The following HIVEP3 variants were observed in gnomAD, a reference collection of about 807,000 sequenced individuals.
The protein encoded by HIVEP3 is transcription factor HIVEP3.
A neutral mutation model predicts 152.8 loss-of-function variants in HIVEP3; 49 were observed. The ratio of observed to expected loss-of-function variants is 0.32; its 90% CI spans 0.26 to 0.41. The LOEUF (loss-of-function observed/expected upper bound fraction) is 0.41, where lower values mean the gene tolerates loss of function less well. HIVEP3 is among the 10% of genes least tolerant of loss of function. HIVEP3 has a pLI of 1.00. For missense variants in HIVEP3, 2,790 were observed against 3,103.3 expected (o/e 0.90, Z 2.40); for synonymous variants, 1,269 against 1,289.0 (o/e 0.98, Z 0.33).
intron 5 of HIVEP3, among the ~76,000 whole-genome samples, chr1:41,541,026 G>GCT (rs1643518455): frequency 6.6e-6 from 1 of 152,192 alleles, no homozygotes; most frequent in South Asian, 2.1e-4. Context: ...TGTGGTCACG[G>GCT]CTCAGAGGAC....
chr1:41,863,580 CTGTACTTT>C (rs1409355782), intron 1 of HIVEP3, among the ~76,000 whole-genome samples: 1 of 152,234 alleles, frequency 6.6e-6, no homozygotes, highest in African/African-American at 2.4e-5. Flanking sequence ...ATTATGCTTT[CTGTACTTT>C]TGCATTTGTA....
chr1:41,522,677 C>G (rs1044863462), intron 6 of HIVEP3, among the ~76,000 whole-genome samples: 2 of 152,252 alleles, frequency 1.3e-5, no homozygotes, highest in African/African-American at 4.8e-5. Context: ...TGCAGACAGG[C>G]TCAGTGTGGC....
chr1:41,993,916 C>T (rs180894), intron 1 of HIVEP3, among the ~76,000 whole-genome samples: 8,634 of 149,176 alleles, frequency 0.058, 850 homozygotes, highest in African/African-American at 0.2. Context: ...AACCAAACAC[C>T]GCATATTCTC....
chr1:41,730,425 T>G (rs1018793852), intron 1 of HIVEP3, among the ~76,000 whole-genome samples: 2 of 152,182 alleles, frequency 1.3e-5, no homozygotes, highest in African/African-American at 4.8e-5. Context: ...CCTGCATCCC[T>G]GGCACCAGTG....
chr1:41,805,792 C>T (rs960234253), intron 1 of HIVEP3, among the ~76,000 whole-genome samples: 1 of 152,178 alleles, frequency 6.6e-6, no homozygotes, highest in Non-Finnish European at 1.5e-5. Context: ...TCTGACCCAC[C>T]TCTTCACAAA....
chr1:41,843,144 C>A (rs1041812323), intron 1 of HIVEP3, among the ~76,000 whole-genome samples: 1 of 152,172 alleles, frequency 6.6e-6, no homozygotes, highest in Non-Finnish European at 1.5e-5. Context: ...CAGGCACAAG[C>A]AGTACACAGC....
At chr1:41,779,938 C>T (rs1307324578) in intron 1 of HIVEP3, among the ~76,000 whole-genome samples, 1 of 152,242 alleles carries the variant, frequency 6.6e-6, no homozygotes, top group Non-Finnish European at 1.5e-5. Flanking sequence ...AACTTAGTCT[C>T]TCTAAACCTC....
chr1:41,522,546 C>T (rs1335606700), intron 6 of HIVEP3, among the ~76,000 whole-genome samples: 1 of 152,032 alleles, frequency 6.6e-6, no homozygotes, highest in Admixed American at 6.5e-5. Context: ...TCGGGGGATG[C>T]TCTACACCCC....
At chr1:41,995,961 A>G (rs1645393527) in intron 1 of HIVEP3, among the ~76,000 whole-genome samples, 1 of 152,184 alleles carries the variant, frequency 6.6e-6, no homozygotes, top group African/African-American at 2.4e-5. Context: ...CTCTGCCTCA[A>G]CAAATCACCC....
rs111162022 is a variant in HIVEP3, at chr1:41,531,577, T to C, written c.5208-6667A>G. Among the ~76,000 whole-genome samples the C allele has an allele frequency of 2.3e-3, 110 of 48,876 alleles. 16 individuals are homozygous for C. The highest frequency in any genetic ancestry group is 5.5e-3 in the South Asian group (4 of 730). The allele number at this position is 48,876 out of a possible 152,430, so 32.1% of individuals were successfully genotyped here. A position where few individuals can be genotyped will look rare whatever the true frequency, so the allele number is the denominator to read the frequency against. On this transcript the variant is annotated intron_variant, in intron 5 of 8. Transcript: ENST00000372583. ...CAGGAGAGATGGAAGACAGGGGAGATGGAGGACAGGAGAGATGGAGGACAG... is the reference window on the plus strand; with the variant it reads ...CAGGAGAGATGGAAGACAGGGGAGACGGAGGACAGGAGAGATGGAGGACAG...
At chr1:41,856,937 A>G (rs1452806557) in intron 1 of HIVEP3, among the ~76,000 whole-genome samples, 1 of 152,100 alleles carries the variant, frequency 6.6e-6, no homozygotes, top group Non-Finnish European at 1.5e-5. Flanking sequence ...CTAACTGATC[A>G]TTACTGCTGC....
chr1:41,741,156 G>A (rs143523731), intron 1 of HIVEP3, among the ~76,000 whole-genome samples: 2,220 of 152,294 alleles, frequency 0.015, 24 homozygotes, highest in Non-Finnish European at 0.018. Context: ...GCTAGAGCAG[G>A]GAGGAACTGC....
chr1:41,584,887 C>T lies in HIVEP3; in HGVS notation c.-90G>A, dbSNP rs561626387. 9.5e-5 allele frequency: 120 copies of T among 1,257,588 alleles called. No individual in the cohort carries two copies. In the African/African-American group the frequency reaches 1.7e-3, roughly 18 times the overall value. The allele number at this position is 1,257,588 out of a possible 1,614,324, so 77.9% of individuals were successfully genotyped here. On this transcript the variant is annotated 5_prime_UTR_variant, in exon 4 of 9. Coordinates refer to ENST00000372583, the MANE Select transcript of HIVEP3 (RefSeq NM_024503.5). This position sits in a 1 kb window ranked among gnomAD's most constrained non-coding sequence, Gnocchi z 5.2. Reference sequence around the variant, plus strand: ...CCCAGTGTCCCAAGGAGGTGTCCAGCTTTGGCCACATTGGTCAAGAGCTGT... The same window carrying T: ...CCCAGTGTCCCAAGGAGGTGTCCAGTTTTGGCCACATTGGTCAAGAGCTGT...
At chr1:41,697,736 T>A (rs1646298837) in intron 2 of HIVEP3, among the ~76,000 whole-genome samples, 1 of 152,220 alleles carries the variant, frequency 6.6e-6, no homozygotes, top group East Asian at 1.9e-4. Flanking sequence ...ATGAGTGCCA[T>A]CTCTATCCCC....
chr1:41,674,040 C>T (rs1228855712), intron 2 of HIVEP3, among the ~76,000 whole-genome samples: 2 of 152,236 alleles, frequency 1.3e-5, no homozygotes, highest in Admixed American at 6.5e-5. Context: ...CAGGGCGGGG[C>T]ATTTCCCTAA....
At chr1:41,966,475 C>CTTTTTTTTTTTTTT (rs58470482) in intron 1 of HIVEP3, among the ~76,000 whole-genome samples, 8,225 of 95,232 alleles carry the variant, frequency 0.086, 1,778 homozygotes, top group East Asian at 0.14. Context: ...GTGCTGTATT[C>CTTTTTTTTTTTTTT]TTTTTTTTTT....
chr1:41,549,037 C>G (rs949052791), intron 5 of HIVEP3, among the ~76,000 whole-genome samples: 5 of 151,922 alleles, frequency 3.3e-5, no homozygotes, highest in Non-Finnish European at 7.4e-5. Context: ...CCCCCACCCC[C>G]CAACAGGCCC....
At chr1:41,530,512 C>CA (rs1301984645) in intron 5 of HIVEP3, among the ~76,000 whole-genome samples, 12 of 152,212 alleles carry the variant, frequency 7.9e-5, no homozygotes, top group African/African-American at 2.9e-4. Flanking sequence ...TAGAAGAAGA[C>CA]AGAGTGAGGA....
At chr1:41,588,622 G>C (rs575036367) in intron 3 of HIVEP3, among the ~76,000 whole-genome samples, 1 of 152,232 alleles carries the variant, frequency 6.6e-6, no homozygotes. Context: ...TGTCCAGCCT[G>C]CACCTGTGGG....
Sources: allele counts gnomAD v4.1 joint callset (sites outside exome capture counted in the v4.1 genomes callset), GRCh38; gene constraint gnomAD v4.1.1; non-coding constraint Gnocchi (gnomAD v3.1); transcripts MANE v1.5; gene names NCBI Gene and HGNC (gene_info 2026-07-23, HGNC 2026-07-21).